IQCJ: variants seen among roughly 807,000 people sequenced by gnomAD.
The protein encoded by IQCJ is IQ motif containing J.
Under a neutral mutation model 11.0 loss-of-function variants are expected in IQCJ, and 9 were observed. The observed-to-expected ratio is 0.82, with a 90% CI of 0.49 to 1.43. The LOEUF (loss-of-function observed/expected upper bound fraction) is 1.43, where lower values mean the gene tolerates loss of function less well. IQCJ is among the 40% of genes most tolerant of loss of function. The probability of loss-of-function intolerance (pLI) is 0.00; values close to 1 mark genes in which losing one functional copy is unlikely to be tolerated. For missense variants in IQCJ, 146 were observed against 133.2 expected, an observed-to-expected ratio of 1.10 and a Z score of -0.47; for synonymous variants, 55 against 51.3, an observed-to-expected ratio of 1.07 and a Z score of -0.31.
chr3:159,086,059 T>G (rs1364074018), intron 1 of IQCJ, among the ~76,000 whole-genome samples: 5 of 152,252 alleles, frequency 3.3e-5, no homozygotes, highest in Non-Finnish European at 7.3e-5. Context: ...GATCTAACAT[T>G]TAAGCCTTTA....
rs541464502 is a variant in IQCJ at position 159,101,930 on chromosome 3, A to G, written c.9+32489A>G. 5.9e-5 allele frequency among the ~76,000 whole-genome samples: 9 copies of G among 152,338 alleles called. No homozygotes were observed. In the South Asian group the frequency reaches 6.2e-4, roughly 11 times the overall value. On this transcript the variant is annotated intron_variant, in intron 1 of 3. Transcript: ENST00000397832. ...CAGTATACAATTTCATGTATCTGCT[A>G]TTTACACACAGCAGCTGCACATTTT...
At chr3:159,233,293 T>A (rs1411294885) in intron 1 of IQCJ, among the ~76,000 whole-genome samples, 1 of 152,050 alleles carries the variant, frequency 6.6e-6, no homozygotes, top group Non-Finnish European at 1.5e-5. Context: ...ATCTGCTAGG[T>A]GAGGGGGGTC....
intron 2 of IQCJ, 143 bp from the exon 3 acceptor site, chr3:159,252,584 C>T (rs1727664068): frequency 1.5e-6 from 1 of 677,298 alleles, no homozygotes; most frequent in Non-Finnish European, 2.3e-6. Context: ...ATCCATCATC[C>T]ATCAACAGGA....
Position 159,086,236 on chromosome 3 carries a change from T to G in IQCJ, c.9+16795T>G, listed in dbSNP as rs1464742160. On this transcript the variant is annotated intron_variant, in intron 1 of 3. Transcript: ENST00000397832. ...AAGATCAGATAGTTGTAGATATGTG[T>G]CGTTATTTCTGAGGGCTCTGTTCTG... Among the ~76,000 whole-genome samples, 36 of 152,170 alleles carry G rather than the reference T, an allele frequency of 2.4e-4. No homozygotes were observed. In the South Asian group the frequency reaches 2.7e-3, roughly 11 times the overall value.
intron 2 of IQCJ, among the ~76,000 whole-genome samples, chr3:159,251,339 C>A (rs1182816135): frequency 6.6e-6 from 1 of 151,854 alleles, no homozygotes; most frequent in Non-Finnish European, 1.5e-5. Flanking sequence ...AGCTTTCTAA[C>A]TAGTTTTATG....
chr3:159,173,415 A>AACGTGTTG (rs1223852685), intron 1 of IQCJ, among the ~76,000 whole-genome samples: 1 of 152,170 alleles, frequency 6.6e-6, no homozygotes, highest in African/African-American at 2.4e-5. Context: ...TTTTAGTAGA[A>AACGTGTTG]ACGTGTTGAT....
chr3:159,263,150 C>A lies in IQCJ; in HGVS notation c.*419C>A. ...GGGGCCAGGTAAGTCACCCTCATGACTGAGGTGGCTGAGCTGTGCCCCTGG... is the reference window on the plus strand; with the variant it reads ...GGGGCCAGGTAAGTCACCCTCATGAATGAGGTGGCTGAGCTGTGCCCCTGG... On this transcript the variant is annotated 3_prime_UTR_variant, in exon 4 of 4. Transcript: ENST00000397832. 3.8e-6 allele frequency: 3 copies of A among 796,536 alleles called. No individual in the cohort carries two copies. The highest frequency in any genetic ancestry group is 4.6e-6 in the Non-Finnish European group (3 of 656,244). 49.3% of individuals were successfully genotyped at this position (796,536 alleles called of 1,614,324 possible). A position where few individuals can be genotyped will look rare whatever the true frequency, so the allele number is the denominator to read the frequency against.
chr3:159,140,978 A>G (rs1720569099), intron 1 of IQCJ, among the ~76,000 whole-genome samples: 1 of 152,186 alleles, frequency 6.6e-6, no homozygotes, highest in African/African-American at 2.4e-5. Context: ...TTCACCTCTC[A>G]AGACTGCTAT....
rs573131554 is a variant in IQCJ at position 159,090,012 on chromosome 3, C to G, written c.9+20571C>G. On this transcript the variant is annotated intron_variant, in intron 1 of 3. Transcript: ENST00000397832. ...AGAGGTGCTCTGCTTTTTAGAGTTT[C>G]CAGTTTTTCTGCTCGGTTTTTTCCC... Among the ~76,000 whole-genome samples the G allele has an allele frequency of 3.3e-5, 5 of 151,822 alleles. No individual in the cohort carries two copies. In the South Asian group the frequency reaches 8.3e-4, roughly 25 times the overall value.
intron 1 of IQCJ, among the ~76,000 whole-genome samples, chr3:159,123,290 C>T (rs1355642296): frequency 6.6e-6 from 1 of 152,160 alleles, no homozygotes; most frequent in Non-Finnish European, 1.5e-5. Context: ...GTAGTGTGGG[C>T]TCTCTGTCTC....
chr3:159,152,542 G>A (rs1273972613), intron 1 of IQCJ, among the ~76,000 whole-genome samples: 1 of 152,196 alleles, frequency 6.6e-6, no homozygotes, highest in African/African-American at 2.4e-5. Flanking sequence ...CACTAAATGT[G>A]TGATTTTTGC....
intron 1 of IQCJ, among the ~76,000 whole-genome samples, chr3:159,144,081 G>A (rs1264639196): frequency 6.6e-6 from 1 of 152,128 alleles, no homozygotes; most frequent in Non-Finnish European, 1.5e-5. Context: ...CTTTCCAAAA[G>A]GACCTGTTTG....
At chr3:159,081,255 CT>C (rs1226009894) in intron 1 of IQCJ, among the ~76,000 whole-genome samples, 2 of 152,094 alleles carry the variant, frequency 1.3e-5, no homozygotes, top group African/African-American at 4.8e-5. Flanking sequence ...CATCCGTTTT[CT>C]TTTGTAAGAG....
At chr3:159,264,429 C>T (rs189485247), downstream of IQCJ, among the ~76,000 whole-genome samples, 82 of 152,318 alleles carry the variant, frequency 5.4e-4, no homozygotes, top group Admixed American at 4.1e-3. Context: ...TTTAGCTTAG[C>T]CTCCTGATTC....
chr3:159,120,071 T>C (rs1719269878), intron 1 of IQCJ, among the ~76,000 whole-genome samples: 1 of 152,348 alleles, frequency 6.6e-6, no homozygotes, highest in Non-Finnish European at 1.5e-5. Context: ...AATATGTGCA[T>C]TACTACATAG....
intron 1 of IQCJ, among the ~76,000 whole-genome samples, chr3:159,075,226 A>G (rs944729049): frequency 5.3e-5 from 8 of 152,280 alleles, no homozygotes; most frequent in Middle Eastern, 3.4e-3. Flanking sequence ...AATTGCCCTG[A>G]AAACTGAACA....
chr3:159,165,668 C>T (rs906204571), intron 1 of IQCJ, among the ~76,000 whole-genome samples: 2 of 151,288 alleles, frequency 1.3e-5, no homozygotes, highest in African/African-American at 4.9e-5. Context: ...GGCTGGAGTG[C>T]AGTGGCTCGA....
chr3:159,159,892 C>T (rs1721740139), intron 1 of IQCJ, among the ~76,000 whole-genome samples: 2 of 151,666 alleles, frequency 1.3e-5, no homozygotes, highest in Admixed American at 1.3e-4. Context: ...CCCACCTTCC[C>T]ACCATGATTG....
intron 1 of IQCJ, among the ~76,000 whole-genome samples, chr3:159,232,017 C>G (rs1375362218): frequency 6.6e-6 from 1 of 152,108 alleles, no homozygotes; most frequent in Non-Finnish European, 1.5e-5. Context: ...TGATTCTTCT[C>G]TCTTTTCTTC....
Sources: gnomAD v4.1 joint callset for allele counts (sites outside exome capture counted in the v4.1 genomes callset) on GRCh38, gnomAD v4.1.1 for gene constraint, MANE v1.5 for transcripts, NCBI Gene and HGNC (gene_info 2026-07-23, HGNC 2026-07-21) for gene names.